NRG3: variants seen among roughly 807,000 people sequenced by gnomAD.
NRG3 encodes neuregulin 3.
NRG3 carries 31 observed loss-of-function variants against 66.9 expected under a neutral mutation model. The ratio of observed to expected loss-of-function variants is 0.46; its 90% confidence interval spans 0.35 to 0.63. NRG3 has a LOEUF of 0.63. Ranked by LOEUF, NRG3 falls within the 20% of genes least tolerant of loss-of-function variation. The pLI is 0.00. For missense variants in NRG3, 910 were observed against 878.9 expected, an observed-to-expected ratio of 1.04 and a Z score of -0.45; for synonymous variants, 393 against 359.4, an observed-to-expected ratio of 1.09 and a Z score of -1.06.
chr10:82,941,058 C>T (rs988827136), intron 4 of NRG3, among the ~76,000 whole-genome samples: 1 of 152,056 alleles, frequency 6.6e-6, no homozygotes, highest in South Asian at 2.1e-4. Context: ...GTGTAAAAGA[C>T]ATGGAGCCTT....
intron 4 of NRG3, among the ~76,000 whole-genome samples, chr10:82,932,187 TG>T (rs1459067266): frequency 1.3e-5 from 2 of 152,130 alleles, no homozygotes; most frequent in Non-Finnish European, 2.9e-5. Context: ...TTCCTCTCTA[TG>T]GCGGCTGTTT....
At chr10:82,731,366 CAAA>C (rs557587083) in intron 2 of NRG3, among the ~76,000 whole-genome samples, 12 of 85,400 alleles carry the variant, frequency 1.4e-4, no homozygotes, top group South Asian at 4.1e-4. Flanking sequence ...TACTCTGTCT[CAAA>C]AAAAAAAAAA....
At chr10:82,841,344 T>C (rs891584620) in intron 3 of NRG3, among the ~76,000 whole-genome samples, 3 of 152,198 alleles carry the variant, frequency 2.0e-5, no homozygotes, top group East Asian at 1.9e-4. Context: ...GGGAAATTAA[T>C]ACCCCACTCC....
At chr10:82,743,209 C>G (rs543086586) in intron 3 of NRG3, among the ~76,000 whole-genome samples, 1 of 152,094 alleles carries the variant, frequency 6.6e-6, no homozygotes. Context: ...GTGTATACAG[C>G]TTAAACACTT....
chr10:82,976,055 T>C (rs1409815758), intron 7 of NRG3, among the ~76,000 whole-genome samples: 1 of 152,120 alleles, frequency 6.6e-6, no homozygotes, highest in African/African-American at 2.4e-5. Context: ...TTATCTTTTT[T>C]TATTATTTTA....
intron 1 of NRG3, among the ~76,000 whole-genome samples, chr10:81,878,936 C>T (rs1269688614): frequency 6.6e-6 from 1 of 152,148 alleles, no homozygotes; most frequent in African/African-American, 2.4e-5. Flanking sequence ...TGACAATGAA[C>T]ATGCTTGCTA....
chr10:82,778,761 T>G (rs1046600477), intron 3 of NRG3, among the ~76,000 whole-genome samples: 1 of 152,122 alleles, frequency 6.6e-6, no homozygotes, highest in South Asian at 2.1e-4. Context: ...GCTCAGGCAC[T>G]GAGGTTACAC....
chr10:82,853,663 T>C (rs952581148), intron 3 of NRG3, among the ~76,000 whole-genome samples: 4 of 152,228 alleles, frequency 2.6e-5, no homozygotes, highest in African/African-American at 9.6e-5. Flanking sequence ...ATCCTGAAAC[T>C]TTGCTAGATT....
chr10:81,878,553 G>A (rs1289847351), intron 1 of NRG3, among the ~76,000 whole-genome samples: 2 of 152,108 alleles, frequency 1.3e-5, no homozygotes, highest in African/African-American at 4.8e-5. Flanking sequence ...TATCAGCAGT[G>A]CTACTGTAGG....
chr10:82,762,529 T>C (rs1165172228), intron 3 of NRG3, among the ~76,000 whole-genome samples: 1 of 152,176 alleles, frequency 6.6e-6, no homozygotes, highest in Non-Finnish European at 1.5e-5. Flanking sequence ...ACATTGAATA[T>C]ATAAATCAAT....
At chr10:82,820,638 T>A (rs1279236425) in intron 3 of NRG3, among the ~76,000 whole-genome samples, 1 of 152,224 alleles carries the variant, frequency 6.6e-6, no homozygotes, top group Non-Finnish European at 1.5e-5. Context: ...AACTTCCGAA[T>A]TATATTATTA....
intron 2 of NRG3, among the ~76,000 whole-genome samples, chr10:82,571,786 C>CAA (rs2045750773): frequency 1.3e-5 from 2 of 151,628 alleles, no homozygotes; most frequent in East Asian, 3.9e-4. Context: ...AACAAATATA[C>CAA]AAAAAGCCCA....
chr10:82,931,107 T>C (rs148934509), intron 4 of NRG3, among the ~76,000 whole-genome samples: 3 of 152,300 alleles, frequency 2.0e-5, no homozygotes, highest in Non-Finnish European at 4.4e-5. Flanking sequence ...TCCCCTCCAC[T>C]AACTGCTTTG....
At chr10:81,935,400 T>C (rs76489404) in intron 1 of NRG3, among the ~76,000 whole-genome samples, 9,271 of 152,228 alleles carry the variant, frequency 0.061, 402 homozygotes, top group African/African-American at 0.11. Flanking sequence ...ATTTTTGTTT[T>C]TAGTTTGCAA....
At chr10:81,957,354 T>G (rs922956715) in intron 1 of NRG3, among the ~76,000 whole-genome samples, 2 of 152,146 alleles carry the variant, frequency 1.3e-5, no homozygotes, top group African/African-American at 4.8e-5. Flanking sequence ...GCCTTTATAT[T>G]GGCTACTGCC....
intron 2 of NRG3, among the ~76,000 whole-genome samples, chr10:82,442,892 G>T (rs1342518926): frequency 2.1e-5 from 3 of 145,890 alleles, no homozygotes; most frequent in Non-Finnish European, 4.5e-5. Context: ...TGTTATGCCA[G>T]CTGGTTTTTG....
At position 82,882,653 on chromosome 10, in the gene NRG3, G is replaced by A. The variant is rs554353259; in HGVS notation, c.1054+17216G>A. On this transcript the variant is annotated intron_variant, in intron 4 of 8. Transcript: ENST00000372141. ...ACACCACTTTTGCCATATCTTATTT[G>A]TCAGGAGTTAGTGGGTCAATCTCAC... Among the ~76,000 whole-genome samples, 122 of 152,116 alleles carry A rather than the reference G, an allele frequency of 8.0e-4. 1 individual carries two copies. Among genetic ancestry groups the A allele is most frequent in the Non-Finnish European group, 1.4e-3 (93 of 68,008 alleles).
At chr10:81,877,900 A>C (rs115021934) in intron 1 of NRG3, 15 of 1,535,144 alleles carry the variant, frequency 9.8e-6, no homozygotes, top group Middle Eastern at 1.8e-4. Flanking sequence ...TGGATTGAAA[A>C]TGAGTCTACC....
chr10:82,194,156 T>C (rs946866161), intron 1 of NRG3, among the ~76,000 whole-genome samples: 1 of 152,150 alleles, frequency 6.6e-6, no homozygotes, highest in Non-Finnish European at 1.5e-5. Flanking sequence ...ATGTGGAGGC[T>C]GCCACTGACC....
Sources: allele counts gnomAD v4.1 joint callset (sites outside exome capture counted in the v4.1 genomes callset), GRCh38; gene constraint gnomAD v4.1.1; transcripts MANE v1.5; gene names NCBI Gene and HGNC (gene_info 2026-07-23, HGNC 2026-07-21).